BMPR1B: variants seen among roughly 807,000 people sequenced by gnomAD.
BMPR1B encodes the protein bone morphogenetic protein receptor type 1B.
BMPR1B carries 12 observed loss-of-function variants against 59.1 expected under a neutral mutation model. The ratio of observed to expected loss-of-function variants is 0.20; its 90% CI spans 0.13 to 0.33. The LOEUF is 0.33. BMPR1B is among the 10% of genes least tolerant of loss of function. The probability of loss-of-function intolerance (pLI) is 1.00; values close to 1 mark genes in which losing one functional copy is unlikely to be tolerated. For missense variants in BMPR1B, 550 were observed against 610.9 expected (o/e 0.90, Z 1.05); for synonymous variants, 237 against 207.3 (o/e 1.14, Z -1.23).
chr4:94,770,180 G>GTTTT (rs1553903537), intron 1 of BMPR1B, among the ~76,000 whole-genome samples: 52 of 106,254 alleles, frequency 4.9e-4, no homozygotes, highest in African/African-American at 1.5e-3. Context: ...CTTCGTTTCT[G>GTTTT]TGTTTGTTTT....
chr4:94,773,165 C>T (rs17022139), intron 1 of BMPR1B, among the ~76,000 whole-genome samples: 5,437 of 152,006 alleles, frequency 0.036, 152 homozygotes, highest in African/African-American at 0.082. Flanking sequence ...AAAGAGCATA[C>T]GATTGAGAGA....
chr4:94,984,781 G>C (rs1721300301), intron 2 of BMPR1B, among the ~76,000 whole-genome samples: 2 of 152,190 alleles, frequency 1.3e-5, no homozygotes, highest in South Asian at 4.1e-4. Context: ...CTGGAAACTG[G>C]TGTGCGCTTT....
chr4:94,852,620 A>C (rs1428996657), intron 1 of BMPR1B, among the ~76,000 whole-genome samples: 1 of 152,148 alleles, frequency 6.6e-6, no homozygotes, highest in Non-Finnish European at 1.5e-5. Flanking sequence ...AAAATTAATC[A>C]GTAGCATTTT....
At chr4:94,856,391 G>A (rs1377176322) in intron 1 of BMPR1B, among the ~76,000 whole-genome samples, 1 of 152,124 alleles carries the variant, frequency 6.6e-6, no homozygotes, top group African/African-American at 2.4e-5. Flanking sequence ...AGCAGCGTAA[G>A]TCATAGAAAA....
chr4:95,122,914 C>T (rs1342538463), intron 6 of BMPR1B, among the ~76,000 whole-genome samples: 2 of 152,040 alleles, frequency 1.3e-5, no homozygotes, highest in African/African-American at 2.4e-5. Flanking sequence ...TAAATGGTGC[C>T]TTTAATAAGA....
chr4:95,048,658 G>C (rs1416215856), intron 3 of BMPR1B, among the ~76,000 whole-genome samples: 1 of 152,020 alleles, frequency 6.6e-6, no homozygotes, highest in Non-Finnish European at 1.5e-5. Flanking sequence ...TTTGTGTTTT[G>C]CTTGTGGAAT....
intron 2 of BMPR1B, among the ~76,000 whole-genome samples, chr4:94,976,261 C>CA (rs1446745426): frequency 1.3e-5 from 2 of 152,186 alleles, no homozygotes; most frequent in Non-Finnish European, 2.9e-5. Flanking sequence ...TACTGTATTA[C>CA]AGTGAGCAAG....
At chr4:94,781,125 T>C (rs915722467) in intron 1 of BMPR1B, among the ~76,000 whole-genome samples, 1 of 152,226 alleles carries the variant, frequency 6.6e-6, no homozygotes, top group Non-Finnish European at 1.5e-5. Flanking sequence ...TATGTCTTAT[T>C]TGGAGAAATG....
intron 3 of BMPR1B, among the ~76,000 whole-genome samples, chr4:95,054,262 C>T (rs1726755219): frequency 6.6e-6 from 1 of 152,166 alleles, no homozygotes; most frequent in South Asian, 2.1e-4. Context: ...GAAAGAAGAA[C>T]TCTTCCTACT....
chr4:95,045,224 T>C (rs1401784556), intron 3 of BMPR1B, among the ~76,000 whole-genome samples: 1 of 152,228 alleles, frequency 6.6e-6, no homozygotes, highest in African/African-American at 2.4e-5. Flanking sequence ...AAATATATTA[T>C]TATGTTTTCT....
intron 10 of BMPR1B, among the ~76,000 whole-genome samples, chr4:95,132,706 C>T (rs1733453920): frequency 1.3e-5 from 2 of 151,798 alleles, no homozygotes; most frequent in Non-Finnish European, 1.5e-5. Context: ...CAGCCTCTCT[C>T]TCCTTCTCTC....
chr4:94,815,477 CT>C (rs1723977501), intron 1 of BMPR1B, among the ~76,000 whole-genome samples: 1 of 152,122 alleles, frequency 6.6e-6, no homozygotes, highest in South Asian at 2.1e-4. Context: ...AAAGGATATG[CT>C]TTTTGTTCTG....
intron 3 of BMPR1B, among the ~76,000 whole-genome samples, chr4:95,073,135 A>G (rs909841036): frequency 6.6e-6 from 1 of 152,184 alleles, no homozygotes; most frequent in East Asian, 1.9e-4. Flanking sequence ...AATAGCAAAC[A>G]TAGTTTTCCC....
chr4:94,807,323 G>A (rs1459051128), intron 1 of BMPR1B, among the ~76,000 whole-genome samples: 1 of 152,088 alleles, frequency 6.6e-6, no homozygotes, highest in Non-Finnish European at 1.5e-5. Context: ...AAACTCCTGA[G>A]CTCAAGCAAT....
intron 1 of BMPR1B, among the ~76,000 whole-genome samples, chr4:94,859,215 A>G (rs895527623): frequency 1.3e-5 from 2 of 152,208 alleles, no homozygotes; most frequent in Non-Finnish European, 1.5e-5. Flanking sequence ...GGTAGTATTC[A>G]CTGTAAGTTG....
chr4:95,033,204 T>G (rs536843491), intron 3 of BMPR1B, among the ~76,000 whole-genome samples: 185 of 152,312 alleles, frequency 1.2e-3, no homozygotes, highest in Non-Finnish European at 2.3e-3. Context: ...TCATCAAATG[T>G]ATGACTTACA....
intron 10 of BMPR1B, among the ~76,000 whole-genome samples, chr4:95,132,908 T>C (rs1171632906): frequency 6.6e-6 from 1 of 152,176 alleles, no homozygotes; most frequent in Non-Finnish European, 1.5e-5. Context: ...CAAACCTTTC[T>C]TTCTCCTGTT....
intron 3 of BMPR1B, among the ~76,000 whole-genome samples, chr4:95,021,153 A>G (rs920604901): frequency 1.3e-5 from 2 of 152,182 alleles, no homozygotes; most frequent in Admixed American, 1.3e-4. Context: ...CTAATTTTTA[A>G]TTTTTTCCCT....
intron 1 of BMPR1B, among the ~76,000 whole-genome samples, chr4:94,799,066 T>G (rs916903064): frequency 6.6e-6 from 1 of 151,056 alleles, no homozygotes; most frequent in African/African-American, 2.4e-5. Flanking sequence ...CATAAAGGTT[T>G]TCTCTCTAAC....
Sources: allele counts gnomAD v4.1 joint callset (sites outside exome capture counted in the v4.1 genomes callset), GRCh38; gene constraint gnomAD v4.1.1; transcripts MANE v1.5; gene names NCBI Gene and HGNC (gene_info 2026-07-23, HGNC 2026-07-21).